MTCH1: variants seen among roughly 807,000 people sequenced by gnomAD.
The protein encoded by MTCH1 is mitochondrial carrier 1.
Under a neutral mutation model 49.3 loss-of-function variants are expected in MTCH1, and 23 were observed. The ratio of observed to expected loss-of-function variants is 0.47; its 90% CI spans 0.34 to 0.66. The LOEUF is 0.66. Among genes scored for constraint, MTCH1 ranks in the 30% least tolerant of loss-of-function variants. MTCH1 has a pLI of 0.01. For synonymous variants in MTCH1, 229 were observed against 215.2 expected (o/e 1.06, Z -0.56); for missense variants, 397 against 532.1 (o/e 0.75, Z 2.50).
chr6:36,984,542 C>T (rs1445863766), intron 1 of MTCH1, among the ~76,000 whole-genome samples: 1 of 152,156 alleles, frequency 6.6e-6, no homozygotes, highest in African/African-American at 2.4e-5. Context: ...ATGGTAAAAT[C>T]TGACACCCAC....
At position 36,986,153 on chromosome 6, in the gene MTCH1, T is replaced by G; in HGVS notation, c.21A>C (p.Glu7Asp). The G allele has an allele frequency of 2.1e-6, 3 of 1,436,638 alleles. No homozygotes were observed. Among genetic ancestry groups the G allele is most frequent in the Non-Finnish European group, 2.7e-6 (3 of 1,102,908 alleles). The allele number at this position is 1,436,638 out of a possible 1,614,324, so 89.0% of individuals were successfully genotyped here. Residue 7 changes from glutamate to aspartate, a missense_variant, in exon 1 of 12, where the codon GAA becomes GAC. Glu to Asp is a conservative substitution (Grantham distance 45, BLOSUM62 2). Transcript: ENST00000373627. MGASDP[E>D]VAPWARGGAA... is the part of the protein sequence containing the mutation. ...CACCGCCGCGAGCCCAGGGCGCCAC[T>G]TCCGGGTCCGAAGCTCCCATGGCGC...
intron 6 of MTCH1, among the ~76,000 whole-genome samples, chr6:36,976,750 G>A (rs1341374598): frequency 6.6e-6 from 1 of 152,200 alleles, no homozygotes; most frequent in Non-Finnish European, 1.5e-5. Context: ...ATCTAGGTGA[G>A]GGTCTGGTAC....
At chr6:36,983,318 T>C (rs149851625) in intron 1 of MTCH1, among the ~76,000 whole-genome samples, 5 of 152,346 alleles carry the variant, frequency 3.3e-5, no homozygotes, top group African/African-American at 1.2e-4. Flanking sequence ...TTGATCTGTG[T>C]TCTCTTAAAT....
chr6:36,976,564 G>A (rs999273003), intron 6 of MTCH1: 3 of 471,044 alleles, frequency 6.4e-6, no homozygotes, highest in African/African-American at 6.0e-5. Context: ...CACCATGGCA[G>A]CTGAGCTTCC....
Position 36,970,853 on chromosome 6 carries a change from G to C in MTCH1, c.907-159C>G, listed in dbSNP as rs550281780. ...CACAGTCACTGCCCAGAGAAGGCCT[G>C]GGGGGCAGAAACGGGGTAAGTGGAC... On this transcript the variant is annotated intron_variant, in intron 8 of 11. Coordinates refer to ENST00000373627, the MANE Select transcript of MTCH1 (RefSeq NM_001271641.2). The C allele has an allele frequency of 4.1e-5, 34 of 828,300 alleles. No homozygotes were observed. In the East Asian group the frequency reaches 9.1e-4, roughly 22 times the overall value. The allele number at this position is 828,300 out of a possible 1,614,324, so 51.3% of individuals were successfully genotyped here.
chr6:36,973,611 T>A (rs1464904381), intron 7 of MTCH1, among the ~76,000 whole-genome samples: 1 of 152,250 alleles, frequency 6.6e-6, no homozygotes, highest in Middle Eastern at 3.2e-3. Context: ...TGTGCTCAGA[T>A]TGACTTTGTG....
At chr6:36,975,625 G>A (rs372986933) in intron 7 of MTCH1, 33 bp downstream of exon 7, 8 of 1,605,084 alleles carry the variant, frequency 5.0e-6, no homozygotes, top group East Asian at 2.2e-5. Context: ...AGCCATGCCC[G>A]TGGCCAGTTA....
At chr6:36,979,193 G>A (rs113704694) in intron 2 of MTCH1, among the ~76,000 whole-genome samples, 1 of 152,064 alleles carries the variant, frequency 6.6e-6, no homozygotes, top group Non-Finnish European at 1.5e-5. Context: ...CCTGGCACCA[G>A]ATGGCATTGA....
chr6:36,975,112 C>T (rs952770398), intron 7 of MTCH1, among the ~76,000 whole-genome samples: 7 of 152,142 alleles, frequency 4.6e-5, no homozygotes, highest in Middle Eastern at 6.3e-3. Context: ...GGGTCCTGGC[C>T]GATGGATGCT....
intron 7 of MTCH1, 23 bp downstream of exon 7, chr6:36,975,635 A>G: frequency 6.2e-7 from 1 of 1,612,504 alleles, no homozygotes; most frequent in Non-Finnish European, 8.5e-7. Context: ...GTGGCCAGTT[A>G]TGGGGTGTAT....
Position 36,977,804 on chromosome 6 carries a change from TG to T in MTCH1, c.592-114del. On this transcript the variant is annotated intron_variant, in intron 4 of 11. Transcript: ENST00000373627. This position sits in a 1 kb window ranked among gnomAD's most constrained non-coding sequence, Gnocchi z 5.4. ...AGAAACCTGTCCCAGGGACTGCACA[TG>T]GGGTCGGTCTGCCAAGGATGGCTCC... 1 of 995,340 alleles carries T rather than the reference TG, an allele frequency of 1.0e-6. No individual in the cohort carries two copies. Among genetic ancestry groups the T allele is most frequent in the Non-Finnish European group, 1.5e-6 (1 of 663,090 alleles). The allele number at this position is 995,340 out of a possible 1,614,324, so 61.7% of individuals were successfully genotyped here.
chr6:36,986,406 C>G (rs908822750), upstream of MTCH1: 2 of 354,884 alleles, frequency 5.6e-6, no homozygotes, highest in Non-Finnish European at 1.0e-5. Flanking sequence ...GGCTCGGGAG[C>G]TGTGGCGGCA....
intron 7 of MTCH1, among the ~76,000 whole-genome samples, chr6:36,973,587 T>G (rs561887360): frequency 6.6e-6 from 1 of 152,374 alleles, no homozygotes; most frequent in South Asian, 2.1e-4. Flanking sequence ...ATTTCTAATC[T>G]TGTCGTCCCT....
At chr6:36,983,113 T>C (rs140157695) in intron 1 of MTCH1, among the ~76,000 whole-genome samples, 44 of 152,350 alleles carry the variant, frequency 2.9e-4, no homozygotes, top group African/African-American at 9.1e-4. Flanking sequence ...GATTCTGAGA[T>C]GCCTAACAGA....
chr6:36,975,554 T>G, intron 7 of MTCH1, 104 bp downstream of exon 7: 1 of 1,092,634 alleles, frequency 9.2e-7, no homozygotes, highest in Non-Finnish European at 1.4e-6. Flanking sequence ...GGCAGGGCCA[T>G]GTAGTGAAGT....
chr6:36,972,827 G>A lies in MTCH1; in HGVS notation c.762-31C>T, dbSNP rs974534131. 5 of 1,531,596 alleles carry A rather than the reference G, an allele frequency of 3.3e-6. No individual in the cohort carries two copies. Among genetic ancestry groups the A allele is most frequent in the Non-Finnish European group, 4.4e-6 (5 of 1,131,372 alleles). The allele number at this position is 1,531,596 out of a possible 1,614,324, so 94.9% of individuals were successfully genotyped here. ...AAACAAGGTAAGCAGAGATGAGCAG[G>A]AGAGGGAGAGGAGCAGTTCCTGGGG... On this transcript the variant is annotated intron_variant, in intron 7 of 11. Coordinates refer to ENST00000373627, the MANE Select transcript of MTCH1 (RefSeq NM_001271641.2). This position sits in a 1 kb window ranked among gnomAD's most constrained non-coding sequence, Gnocchi z 4.1.
At position 36,978,630 on chromosome 6, in the gene MTCH1, G is replaced by A. The variant is rs1328830109; in HGVS notation, c.407-19C>T. 8.1e-6 allele frequency: 13 copies of A among 1,610,582 alleles called. No individual in the cohort carries two copies. Among genetic ancestry groups the A allele is most frequent in the Non-Finnish European group, 1.1e-5 (13 of 1,177,380 alleles). On this transcript the variant is annotated intron_variant, in intron 2 of 11. Coordinates refer to ENST00000373627, the MANE Select transcript of MTCH1 (RefSeq NM_001271641.2). ...TACTTGGCTGTAAGAAAACAGAGGTGGCAGAGGAGTCACACCCAGTTCAGG... is the reference window on the plus strand; with the variant it reads ...TACTTGGCTGTAAGAAAACAGAGGTAGCAGAGGAGTCACACCCAGTTCAGG...
In MTCH1 at chr6:36,977,651, A is replaced by C. The variant is rs1763934830; in HGVS notation, c.632T>G (p.Leu211Trp). Residue 211 changes from leucine to tryptophan, a missense_variant, in exon 5 of 12, where the codon TTG becomes TGG. By Grantham distance (61) the Leu-to-Trp change is moderately conservative. Coordinates refer to ENST00000373627, the MANE Select transcript of MTCH1 (RefSeq NM_001271641.2). This position sits in a 1 kb window ranked among gnomAD's most constrained non-coding sequence, Gnocchi z 5.4. ...TGGCTTACCATGCAGGGGGTGGGCC[A>C]ACATGCGGGACACACACTGCATCAT... Reference protein sequence around the residue: ...EMMMQCVSRMLAHPLHVISMR... With the variant: ...EMMMQCVSRMWAHPLHVISMR... The C allele has an allele frequency of 6.2e-7, 1 of 1,610,312 alleles. No individual in the cohort carries two copies. The highest frequency in any genetic ancestry group is 1.3e-5 in the African/African-American group (1 of 74,744).
chr6:36,975,624 C>A, intron 7 of MTCH1, 34 bp downstream of exon 7: 1 of 1,604,634 alleles, frequency 6.2e-7, no homozygotes, highest in Non-Finnish European at 8.5e-7. Flanking sequence ...GAGCCATGCC[C>A]GTGGCCAGTT....
Sources: allele counts gnomAD v4.1 joint callset (sites outside exome capture counted in the v4.1 genomes callset), GRCh38; gene constraint gnomAD v4.1.1; non-coding constraint Gnocchi (gnomAD v3.1); transcripts MANE v1.5; gene names NCBI Gene and HGNC (gene_info 2026-07-23, HGNC 2026-07-21).